The following FAM171A1 variants were observed in gnomAD, a reference collection of about 807,000 sequenced individuals.
FAM171A1 encodes protein FAM171A1.
In FAM171A1, 23 loss-of-function variants were observed where a neutral mutation model predicts 74.9. That is an observed-to-expected ratio of 0.31 (90% CI 0.22 to 0.44). The LOEUF (loss-of-function observed/expected upper bound fraction) is 0.44. FAM171A1 is among the 20% of genes least tolerant of loss of function. FAM171A1 has a pLI of 1.00. For synonymous variants in FAM171A1, 527 were observed against 505.7 expected, an observed-to-expected ratio of 1.04 and a Z score of -0.57; for missense variants, 1,162 against 1,159.2, an observed-to-expected ratio of 1.00 and a Z score of -0.03.
chr10:15,277,663 G>C (rs941752061), intron 2 of FAM171A1, among the ~76,000 whole-genome samples: 9 of 152,206 alleles, frequency 5.9e-5, no homozygotes, highest in African/African-American at 2.2e-4. Context: ...ACCACTATGA[G>C]ACATGGAAAA....
At chr10:15,317,210 G>A (rs1263902883) in intron 1 of FAM171A1, among the ~76,000 whole-genome samples, 4 of 152,086 alleles carry the variant, frequency 2.6e-5, no homozygotes, top group African/African-American at 7.2e-5. Context: ...CTGAGGAAAG[G>A]CAAGGCCAGG....
intron 3 of FAM171A1, among the ~76,000 whole-genome samples, chr10:15,275,546 C>G (rs1045969745): frequency 6.6e-6 from 1 of 151,940 alleles, no homozygotes; most frequent in South Asian, 2.1e-4. Flanking sequence ...ATCAACCCAC[C>G]TAGGCTTCCC....
intron 1 of FAM171A1, among the ~76,000 whole-genome samples, chr10:15,325,638 C>T (rs1036839102): frequency 3.9e-5 from 6 of 152,208 alleles, no homozygotes; most frequent in Admixed American, 6.5e-5. Flanking sequence ...AAGCTTACTG[C>T]GTTCCATGGG....
At chr10:15,282,405 A>G (rs1211884788) in intron 2 of FAM171A1, among the ~76,000 whole-genome samples, 1 of 152,240 alleles carries the variant, frequency 6.6e-6, no homozygotes, top group African/African-American at 2.4e-5. Context: ...TATATCAAAT[A>G]AGATTTCTTT....
intron 3 of FAM171A1, among the ~76,000 whole-genome samples, chr10:15,257,008 G>A (rs1055413179): frequency 2.7e-4 from 41 of 152,002 alleles, no homozygotes; most frequent in African/African-American, 3.6e-4. Context: ...CTGGTTTTCC[G>A]GCTAAATAAT....
intron 5 of FAM171A1, among the ~76,000 whole-genome samples, chr10:15,229,573 CCAA>C (rs1169865964): frequency 1.6e-5 from 2 of 126,304 alleles, no homozygotes; most frequent in Non-Finnish European, 3.5e-5. Flanking sequence ...ATCACCATCA[CCAA>C]CGTCATCATC....
intron 7 of FAM171A1, among the ~76,000 whole-genome samples, chr10:15,215,789 T>C (rs1833959341): frequency 6.6e-6 from 1 of 152,188 alleles, no homozygotes; most frequent in South Asian, 2.1e-4. Flanking sequence ...CTAAGCAATG[T>C]TATCCACGCA....
intron 5 of FAM171A1, among the ~76,000 whole-genome samples, chr10:15,223,527 C>G (rs1834066762): frequency 6.6e-6 from 1 of 152,202 alleles, no homozygotes; most frequent in South Asian, 2.1e-4. Context: ...TGCACACCTG[C>G]CTTTCTCCTG....
At chr10:15,231,040 A>T (rs187538631) in intron 5 of FAM171A1, among the ~76,000 whole-genome samples, 2 of 152,324 alleles carry the variant, frequency 1.3e-5, no homozygotes, top group East Asian at 3.9e-4. Flanking sequence ...GAAAGACAGC[A>T]TAACAGATAA....
At chr10:15,241,697 C>T (rs1401570945) in intron 5 of FAM171A1, 1 of 151,964 alleles carries the variant, frequency 6.6e-6, no homozygotes, top group Non-Finnish European at 1.5e-5. Context: ...ATTAACATAT[C>T]CATCACTTTA....
At chr10:15,286,337 A>G (rs901871306) in intron 1 of FAM171A1, among the ~76,000 whole-genome samples, 8 of 152,106 alleles carry the variant, frequency 5.3e-5, no homozygotes, top group African/African-American at 1.9e-4. Flanking sequence ...GTGGAGTGCA[A>G]TGGCATGATC....
chr10:15,319,495 C>T (rs1051204285), intron 1 of FAM171A1, among the ~76,000 whole-genome samples: 1 of 152,110 alleles, frequency 6.6e-6, no homozygotes, highest in Non-Finnish European at 1.5e-5. Flanking sequence ...TGCAGTGGCA[C>T]GATCTTGGCT....
At chr10:15,247,902 G>A (rs1338192849) in intron 5 of FAM171A1, among the ~76,000 whole-genome samples, 1 of 152,216 alleles carries the variant, frequency 6.6e-6, no homozygotes, top group Admixed American at 6.5e-5. Context: ...CGGCAAGGAA[G>A]TGAGGTCTGC....
intron 1 of FAM171A1, among the ~76,000 whole-genome samples, chr10:15,365,336 C>A (rs11259629): frequency 6.6e-6 from 1 of 152,250 alleles, no homozygotes; most frequent in East Asian, 1.9e-4. Flanking sequence ...AGTGCTGAAA[C>A]GGAGATGTCT....
intron 5 of FAM171A1, among the ~76,000 whole-genome samples, chr10:15,245,959 T>C (rs181200549): frequency 6.6e-6 from 1 of 152,200 alleles, no homozygotes; most frequent in African/African-American, 2.4e-5. Flanking sequence ...TTTTTCTTTA[T>C]CCATTTTCTT....
intron 1 of FAM171A1, among the ~76,000 whole-genome samples, chr10:15,302,161 T>C (rs1317620550): frequency 1.3e-5 from 2 of 152,190 alleles, no homozygotes; most frequent in African/African-American, 4.8e-5. Flanking sequence ...CTCTGCTCCA[T>C]TAGTTTAACA....
intron 1 of FAM171A1, among the ~76,000 whole-genome samples, chr10:15,293,784 G>C (rs1468562731): frequency 6.6e-6 from 1 of 152,210 alleles, no homozygotes; most frequent in Non-Finnish European, 1.5e-5. Flanking sequence ...GGTCAGGGAG[G>C]AATAATGCTT....
chr10:15,281,916 T>C (rs1197318546), intron 2 of FAM171A1, among the ~76,000 whole-genome samples: 1 of 152,188 alleles, frequency 6.6e-6, no homozygotes, highest in Non-Finnish European at 1.5e-5. Flanking sequence ...CAAATGACCA[T>C]GTTAACAGAG....
intron 1 of FAM171A1, among the ~76,000 whole-genome samples, chr10:15,293,036 T>G (rs1463732908): frequency 1.3e-5 from 2 of 152,238 alleles, no homozygotes; most frequent in African/African-American, 2.4e-5. Context: ...GTGACATTGA[T>G]TAATTATAAC....
Sources: gnomAD v4.1 joint callset for allele counts (sites outside exome capture counted in the v4.1 genomes callset) on GRCh38, gnomAD v4.1.1 for gene constraint, MANE v1.5 for transcripts, NCBI Gene and HGNC (gene_info 2026-07-23, HGNC 2026-07-21) for gene names.